UNC45A: variants seen among roughly 807,000 people sequenced by gnomAD.
UNC45A encodes unc-45 myosin chaperone A.
Under a neutral mutation model 103.2 loss-of-function variants are expected in UNC45A, and 78 were observed. That is an observed-to-expected ratio of 0.76 (90% CI 0.63 to 0.91). The LOEUF (loss-of-function observed/expected upper bound fraction) is 0.91. Among genes scored for constraint, UNC45A ranks in the 40% least tolerant of loss-of-function variants. The pLI is 0.00. For synonymous variants in UNC45A, 495 were observed against 504.6 expected (o/e 0.98, Z 0.25); for missense variants, 1,193 against 1,224.8 (o/e 0.97, Z 0.39).
rs754706469 is a variant in UNC45A at position 90,946,889 on chromosome 15, A to G, written c.1475A>G (p.Asp492Gly). The G allele has an allele frequency of 6.3e-7, 1 of 1,599,044 alleles. No homozygotes were observed. The highest frequency in any genetic ancestry group is 8.5e-7 in the Non-Finnish European group (1 of 1,169,608). Residue 492 changes from aspartate to glycine, a missense_variant, in exon 10 of 20, where the codon GAC (aspartate) becomes GGC (glycine). Transcript: ENST00000418476. ...GACCTATATAAGTGCAGCGAGAAGGACAGCATCCGCATCCGGGCGCTAGTG... is the reference window on the plus strand; with the variant it reads ...GACCTATATAAGTGCAGCGAGAAGGGCAGCATCCGCATCCGGGCGCTAGTG... ...LKDLYKCSEK[D>G]SIRIRALVGL... is the part of the protein sequence containing the mutation.
intron 13 of UNC45A, among the ~76,000 whole-genome samples, chr15:90,949,078 G>A (rs536455934): frequency 1.3e-5 from 2 of 152,008 alleles, no homozygotes; most frequent in Non-Finnish European, 2.9e-5. Flanking sequence ...GTGTTTCACC[G>A]TGTTAGCCAG....
chr15:90,940,719 C>T lies in UNC45A; in HGVS notation c.687+246C>T, dbSNP rs145138407. On this transcript the variant is annotated intron_variant, in intron 6 of 19. Coordinates refer to ENST00000418476, the MANE Select transcript of UNC45A (RefSeq NM_018671.5). ...CTTGAGGTCAGGAGTTCAAGACCAG[C>T]CTGGCCAACAAGGCGAAACCCTGTC... 3.7e-4 allele frequency: 104 copies of T among 278,256 alleles called. 1 individual carries two copies. The highest frequency in any genetic ancestry group is 2.2e-3 in the African/African-American group (102 of 45,356). 17.2% of individuals were successfully genotyped at this position (278,256 alleles called of 1,614,324 possible). A position where few individuals can be genotyped will look rare whatever the true frequency, so the allele number is the denominator to read the frequency against.
chr15:90,931,958 C>A, upstream of UNC45A: 1 of 1,613,734 alleles, frequency 6.2e-7, no homozygotes, highest in South Asian at 1.1e-5. Context: ...GGGACAAGTT[C>A]CCACTCAGCC....
chr15:90,952,983 G>A lies in UNC45A; in HGVS notation c.2358G>A (p.Glu786=). ...CCATGATAGAAGGCTACATGTTTGA[G>A]GAGCATGAGATGATCCGCCGGGCAG... ...AVPMIEGYMF[E]EHEMIRRAAT... is the part of the protein sequence containing the mutation. The change falls in exon 18 of 20, where the codon GAG becomes GAA. Residue 786 remains glutamate, a synonymous_variant. Transcript: ENST00000418476. 6.2e-7 allele frequency: 1 copy of A among 1,613,604 alleles called. No individual in the cohort carries two copies. Among genetic ancestry groups the A allele is most frequent in the Non-Finnish European group, 8.5e-7 (1 of 1,180,044 alleles).
Position 90,949,316 on chromosome 15 carries a change from G to T in UNC45A, c.1879G>T (p.Asp627Tyr). Reference sequence around the variant, plus strand: ...TCTCCTAAGCTGCCTCCTCCCCCAGGACAAGCCAAGCTTCGTGCGGGCTCG... The same window carrying T: ...TCTCCTAAGCTGCCTCCTCCCCCAGTACAAGCCAAGCTTCGTGCGGGCTCG... ...KQHVPEQHPK[D>Y]KPSFVRARVK... Residue 627 changes from aspartate (D) to tyrosine (Y), a missense_variant and splice_region_variant, in exon 14 of 20, where the codon GAC becomes TAC. Physicochemically the swap from Asp to Tyr is radical, Grantham distance 160. Coordinates refer to ENST00000418476, the MANE Select transcript of UNC45A (RefSeq NM_018671.5). The T allele has an allele frequency of 1.2e-6, 2 of 1,611,280 alleles. No individual in the cohort carries two copies. Among genetic ancestry groups the T allele is most frequent in the South Asian group, 2.2e-5 (2 of 91,058 alleles).
chr15:90,947,443 A>C (rs1025245842), intron 10 of UNC45A: 26 of 302,542 alleles, frequency 8.6e-5, no homozygotes, highest in Middle Eastern at 1.1e-3. Flanking sequence ...CTGTGGCTGA[A>C]GCACCTGTCC....
chr15:90,931,554 T>G (rs868842776), upstream of UNC45A: 3 of 1,614,078 alleles, frequency 1.9e-6, no homozygotes, highest in African/African-American at 4.0e-5. Context: ...TATTGTATTT[T>G]TACTGTATGA....
chr15:90,946,010 G>A (rs2036548737), intron 9 of UNC45A, among the ~76,000 whole-genome samples: 1 of 151,290 alleles, frequency 6.6e-6, no homozygotes. Context: ...AGCACTTTGG[G>A]AGGTGGAGGC....
At chr15:90,931,975 T>A, upstream of UNC45A, 3 of 1,613,872 alleles carry the variant, frequency 1.9e-6, no homozygotes, top group Non-Finnish European at 2.5e-6. Flanking sequence ...AGCCCTGAGA[T>A]GTCAGCCAAG....
chr15:90,951,870 T>C (rs1424148531), intron 17 of UNC45A, among the ~76,000 whole-genome samples: 1 of 152,142 alleles, frequency 6.6e-6, no homozygotes, highest in East Asian at 1.9e-4. Flanking sequence ...AGCAGTGAGC[T>C]GTGATCATGC....
chr15:90,940,271 A>T (rs2036224205), intron 5 of UNC45A, 35 bp from the exon 6 acceptor site: 1 of 1,593,128 alleles, frequency 6.3e-7, no homozygotes, highest in Non-Finnish European at 8.6e-7. Flanking sequence ...TGCCGTGTGC[A>T]GTGTCAACAT....
rs756010076 is a variant in UNC45A at position 90,952,932 on chromosome 15, G to C, written c.2307G>C (p.Gln769His). ...GCTTCCTCCTGTGGCCCTGCAGGCA[G>C]AAGATCCTGAAGGAGAAGGCTGTGC... Reference protein sequence around the residue: ...NLAGISERLRQKILKEKAVPM... With the variant: ...NLAGISERLRHKILKEKAVPM... The change falls in exon 18 of 20, where the codon CAG (glutamine) becomes CAC (histidine). Residue 769 changes from glutamine to histidine, a missense_variant. Physicochemically the swap from Gln to His is conservative, Grantham distance 24. Coordinates refer to ENST00000418476, the MANE Select transcript of UNC45A (RefSeq NM_018671.5). 4 of 1,612,426 alleles carry C rather than the reference G, an allele frequency of 2.5e-6. No individual in the cohort carries two copies. Among genetic ancestry groups the C allele is most frequent in the Non-Finnish European group, 3.4e-6 (4 of 1,179,790 alleles).
Position 90,949,363 on chromosome 15 carries a change from G to A in UNC45A, c.1926G>A (p.Ala642=), listed in dbSNP as rs928378727. The change falls in exon 14 of 20, where the codon GCG becomes GCA. Residue 642 remains alanine (A), a synonymous_variant. Transcript: ENST00000418476. ...CTCGGGTGAAGAAGCTGCTGGCAGC[G>A]GGTGTGGTGTCGGCCATGGTGTGCA... is the stretch of plus-strand genomic sequence containing the variant. The part of the protein sequence containing the change: ...VRARVKKLLA[A]GVVSAMVCMV... The A allele has an allele frequency of 1.9e-5, 30 of 1,613,490 alleles. No homozygotes were observed. The East Asian group carries it at 2.5e-4, about 13-fold the overall frequency.
At chr15:90,931,698 G>T (rs748441338), upstream of UNC45A, 47 of 1,613,918 alleles carry the variant, frequency 2.9e-5, no homozygotes, top group Non-Finnish European at 4.0e-5. Context: ...CCATACGAAA[G>T]CGTACCCTCT....
intron 4 of UNC45A, among the ~76,000 whole-genome samples, chr15:90,938,011 G>A (rs1381428117): frequency 6.6e-6 from 1 of 151,996 alleles, no homozygotes; most frequent in African/African-American, 2.4e-5. Context: ...CCAGGTGGCT[G>A]GTCTTGAACT....
At position 90,950,217 on chromosome 15, in the gene UNC45A, G is replaced by A. The variant is rs1366030989; in HGVS notation, c.2137G>A (p.Ala713Thr). 1.0e-5 allele frequency: 16 copies of A among 1,551,646 alleles called. No individual in the cohort carries two copies. The highest frequency in any genetic ancestry group is 1.4e-5 in the Non-Finnish European group (16 of 1,147,010). The stretch of plus-strand genomic sequence containing the variant: ...GCAGACAAAGGCAGCCCAGGCCCTT[G>A]CCAAGCTCACCATCACCTCCAACCC... ...VGQTKAAQAL[A>T]KLTITSNPEM... Residue 713 changes from alanine to threonine, a missense_variant, in exon 16 of 20, where the codon GCC (alanine) becomes ACC (threonine). Coordinates refer to ENST00000418476, the MANE Select transcript of UNC45A (RefSeq NM_018671.5).
chr15:90,945,280 G>A (rs1391944278), intron 9 of UNC45A, among the ~76,000 whole-genome samples: 1 of 152,114 alleles, frequency 6.6e-6, no homozygotes, highest in African/African-American at 2.4e-5. Flanking sequence ...TTCCAATAAT[G>A]CAACAAACGC....
upstream of UNC45A, chr15:90,933,433 C>G (rs1411155813): frequency 6.6e-6 from 1 of 152,254 alleles, no homozygotes; most frequent in East Asian, 1.9e-4. Flanking sequence ...ACCTGGTGAT[C>G]CCCATAGAAC....
intron 4 of UNC45A, 37 bp downstream of exon 4, chr15:90,936,497 G>C (rs745859962): frequency 2.5e-6 from 4 of 1,606,016 alleles, no homozygotes; most frequent in Non-Finnish European, 3.4e-6. Context: ...AGCATTGACT[G>C]GTGGTGAAGG....
Sources: allele counts gnomAD v4.1 joint callset (sites outside exome capture counted in the v4.1 genomes callset), GRCh38; gene constraint gnomAD v4.1.1; transcripts MANE v1.5; gene names NCBI Gene and HGNC (gene_info 2026-07-23, HGNC 2026-07-21).